Variants in CBFA2T3 observed in about 807,000 individuals in gnomAD.
CBFA2T3 encodes CBFA2/RUNX1 partner transcriptional co-repressor 3, also known as transcriptional corepressor CBFA2T3.
Under a neutral mutation model 58.6 loss-of-function variants are expected in CBFA2T3, and 31 were observed. The observed-to-expected ratio is 0.53, with a 90% CI of 0.40 to 0.71. The LOEUF is 0.71. CBFA2T3 is among the 30% of genes least tolerant of loss of function. CBFA2T3 has a pLI of 0.00. For synonymous variants in CBFA2T3, 531 were observed against 421.9 expected, an observed-to-expected ratio of 1.26 and a Z score of -3.17; for missense variants, 1,076 against 963.1, an observed-to-expected ratio of 1.12 and a Z score of -1.55.
rs1202873554 is a variant in CBFA2T3, at chr16:88,885,812, T to TAGTACAC, written c.893+142_893+148dup. 21 of 676,788 alleles carry TAGTACAC rather than the reference T, an allele frequency of 3.1e-5. No individual in the cohort carries two copies. Among genetic ancestry groups the TAGTACAC allele is most frequent in the Non-Finnish European group, 5.0e-5 (20 of 400,790 alleles). The allele number at this position is 676,788 out of a possible 1,614,324, so 41.9% of individuals were successfully genotyped here. A position where few individuals can be genotyped will look rare whatever the true frequency, so the allele number is the denominator to read the frequency against. On this transcript the variant is annotated intron_variant, in intron 6 of 11. Coordinates refer to ENST00000268679, the MANE Select transcript of CBFA2T3 (RefSeq NM_005187.6). This position sits in a 1 kb window ranked among gnomAD's most constrained non-coding sequence, Gnocchi z 5.3. The stretch of plus-strand genomic sequence containing the variant: ...GTGCAGCCACCAAGCCTGCTGGCCC[T>TAGTACAC]AGTACACCTCGCCACGCTCCCTCAG...
chr16:88,892,224 G>A lies in CBFA2T3; in HGVS notation c.621+20C>T. The A allele has an allele frequency of 6.2e-7, 1 of 1,600,652 alleles. No individual in the cohort carries two copies. Among genetic ancestry groups the A allele is most frequent in the East Asian group, 2.2e-5 (1 of 44,730 alleles). On this transcript the variant is annotated intron_variant, in intron 4 of 11. Transcript: ENST00000268679. ...GGAATATGCATGTCCCAAGGCCCCGGCTGTCCCTGCCCAACTCACCACCAG... is the reference window on the plus strand; with the variant it reads ...GGAATATGCATGTCCCAAGGCCCCGACTGTCCCTGCCCAACTCACCACCAG...
intron 1 of CBFA2T3, among the ~76,000 whole-genome samples, chr16:88,967,692 G>A (rs181325916): frequency 5.9e-5 from 9 of 152,286 alleles, no homozygotes; most frequent in South Asian, 4.1e-4. Context: ...TGGCTCCCGC[G>A]ACCTGGCTTC....
At chr16:88,954,502 C>A (rs1393991083) in intron 1 of CBFA2T3, among the ~76,000 whole-genome samples, 1 of 134,278 alleles carries the variant, frequency 7.4e-6, no homozygotes, top group East Asian at 2.1e-4. Flanking sequence ...CCGCCCAAGG[C>A]TCCTGACCTC....
intron 1 of CBFA2T3, among the ~76,000 whole-genome samples, chr16:88,952,897 C>T (rs1050899550): frequency 1.8e-5 from 1 of 55,202 alleles, no homozygotes; most frequent in Non-Finnish European, 3.7e-5. Context: ...ATGTCCAGGA[C>T]CCCCACGCAG....
At chr16:88,949,760 C>T (rs1972001090) in intron 1 of CBFA2T3, among the ~76,000 whole-genome samples, 1 of 152,032 alleles carries the variant, frequency 6.6e-6, no homozygotes, top group Non-Finnish European at 1.5e-5. Context: ...CCTGTAATCC[C>T]AGCACTTTGG....
chr16:88,948,342 C>G (rs1441763924), intron 1 of CBFA2T3, among the ~76,000 whole-genome samples: 1 of 152,212 alleles, frequency 6.6e-6, no homozygotes, highest in Non-Finnish European at 1.5e-5. Flanking sequence ...ACCAGGCTGG[C>G]CCCAGGCAGA....
chr16:88,888,149 CGA>C (rs967260530), intron 5 of CBFA2T3, among the ~76,000 whole-genome samples: 3 of 151,990 alleles, frequency 2.0e-5, no homozygotes, highest in Non-Finnish European at 2.9e-5. Flanking sequence ...ACCCCAACTA[CGA>C]GAGAGAGGGC....
intron 8 of CBFA2T3, among the ~76,000 whole-genome samples, chr16:88,881,842 A>G (rs1173536354): frequency 6.6e-6 from 1 of 152,164 alleles, no homozygotes; most frequent in Non-Finnish European, 1.5e-5. Flanking sequence ...GGCTGACAAC[A>G]GTGCTGGGAG....
chr16:88,942,793 G>A (rs560863244), intron 1 of CBFA2T3, among the ~76,000 whole-genome samples: 1 of 152,292 alleles, frequency 6.6e-6, no homozygotes, highest in African/African-American at 2.4e-5. Flanking sequence ...CAGACTGTGC[G>A]TAACATGGTG....
intron 4 of CBFA2T3, 78 bp from the exon 5 acceptor site, chr16:88,892,049 GA>G: frequency 7.1e-7 from 1 of 1,411,662 alleles, no homozygotes; most frequent in South Asian, 1.2e-5. Context: ...GCCTGAGGAG[GA>G]GGCTTCCGTG....
chr16:88,888,070 GAC>G (rs1487133107), intron 5 of CBFA2T3, among the ~76,000 whole-genome samples: 1 of 152,080 alleles, frequency 6.6e-6, no homozygotes, highest in African/African-American at 2.4e-5. Flanking sequence ...CTCTGGCCGA[GAC>G]AGACTCCGGG....
chr16:88,914,608 C>T (rs1970631990), intron 1 of CBFA2T3, among the ~76,000 whole-genome samples: 1 of 152,230 alleles, frequency 6.6e-6, no homozygotes. Flanking sequence ...CAGGGTGAGT[C>T]TGGGCCTGTC....
intron 1 of CBFA2T3, 52 bp from the exon 2 acceptor site, chr16:88,901,708 C>T (rs1970106048): frequency 1.4e-6 from 2 of 1,477,690 alleles, no homozygotes; most frequent in Non-Finnish European, 1.8e-6. Flanking sequence ...AGTGCAAAGG[C>T]CAGGGCCCGC....
intron 8 of CBFA2T3, among the ~76,000 whole-genome samples, chr16:88,882,472 G>C (rs377122971): frequency 0.022 from 3,093 of 143,508 alleles, 101 homozygotes; most frequent in African/African-American, 0.073. Context: ...TGTGCGTGGG[G>C]GTGGCTGTGT....
At chr16:88,892,118 T>C in intron 4 of CBFA2T3, 126 bp downstream of exon 4, 3 of 1,383,974 alleles carry the variant, frequency 2.2e-6, no homozygotes, top group Admixed American at 1.8e-5. Flanking sequence ...GCAGGTGGCA[T>C]CGTGGGAGCG....
At chr16:88,900,215 G>A (rs1970045234) in intron 2 of CBFA2T3, among the ~76,000 whole-genome samples, 1 of 152,240 alleles carries the variant, frequency 6.6e-6, no homozygotes. Flanking sequence ...TGAGTGCCGG[G>A]CACATTTCCA....
chr16:88,942,111 CA>C (rs1157758568), intron 1 of CBFA2T3, among the ~76,000 whole-genome samples: 1 of 152,188 alleles, frequency 6.6e-6, no homozygotes, highest in East Asian at 1.9e-4. Flanking sequence ...TCGTGCGTTT[CA>C]TGTCCACCTG....
chr16:88,907,101 G>A (rs556801913), intron 1 of CBFA2T3, among the ~76,000 whole-genome samples: 62 of 152,266 alleles, frequency 4.1e-4, no homozygotes, highest in South Asian at 1.5e-3. Flanking sequence ...AAAGAGAAAC[G>A]AGGCCTCCAG....
intron 3 of CBFA2T3, among the ~76,000 whole-genome samples, chr16:88,893,650 C>T (rs1324557001): frequency 2.0e-5 from 3 of 152,180 alleles, no homozygotes; most frequent in Admixed American, 6.5e-5. Flanking sequence ...AGCTGATGAG[C>T]GCGCTGCAGG....
Sources: gnomAD v4.1 joint callset for allele counts (sites outside exome capture counted in the v4.1 genomes callset) on GRCh38, gnomAD v4.1.1 for gene constraint, Gnocchi (gnomAD v3.1) non-coding constraint, MANE v1.5 for transcripts, NCBI Gene and HGNC (gene_info 2026-07-23, HGNC 2026-07-21) for gene names.